HAS1: variants seen among roughly 807,000 people sequenced by gnomAD.
HAS1 encodes HA synthase 1.
Under a neutral mutation model 35.0 loss-of-function variants are expected in HAS1, and 27 were observed. That is an observed-to-expected ratio of 0.77 (90% CI 0.57 to 1.06). HAS1 has a LOEUF of 1.06. Ranked by LOEUF, HAS1 falls within the 50% of genes least tolerant of loss-of-function variation. The pLI, the probability that HAS1 is intolerant of heterozygous loss-of-function variation, is 0.00. For synonymous variants in HAS1, 409 were observed against 371.2 expected (o/e 1.10, Z -1.17); for missense variants, 940 against 814.8 (o/e 1.15, Z -1.87).
chr19:51,716,094 C>T, intron 4 of HAS1, 162 bp downstream of exon 4: 1 of 636,392 alleles, frequency 1.6e-6, no homozygotes, highest in Non-Finnish European at 2.7e-6. Context: ...GCAAATGGCC[C>T]CTCTGCCCAT....
chr19:51,714,291 T>G (rs2083568985), intron 4 of HAS1, 189 bp from the exon 5 acceptor site: 3 of 923,528 alleles, frequency 3.2e-6, no homozygotes, highest in Admixed American at 2.7e-5. Context: ...GGCTCACTCC[T>G]GTAATCCCAG....
At chr19:51,721,635 G>A (rs534230343) in intron 1 of HAS1, among the ~76,000 whole-genome samples, 3 of 152,176 alleles carry the variant, frequency 2.0e-5, no homozygotes, top group East Asian at 1.9e-4. Flanking sequence ...GCTTGGTGGC[G>A]CACGACTGTA....
chr19:51,719,683 G>A lies in HAS1; in HGVS notation c.222C>T (p.Tyr74=). 2 of 1,556,752 alleles carry A rather than the reference G, an allele frequency of 1.3e-6. No homozygotes were observed. The highest frequency in any genetic ancestry group is 1.7e-6 in the Non-Finnish European group (2 of 1,155,796). The change falls in exon 2 of 5, where the codon TAC becomes TAT. Residue 74 remains tyrosine (Y), a synonymous_variant. Transcript: ENST00000540069. ...CCGCCGCCACCCGCCGGTGCTCCAG[G>A]TACGCGAAGAGGCTCTGCGCCACCA... ...AHLVAQSLFA[Y]LEHRRVAAAA...
intron 3 of HAS1, 61 bp downstream of exon 3, chr19:51,716,907 C>G: frequency 8.7e-7 from 1 of 1,145,752 alleles, no homozygotes. Flanking sequence ...TCAGCCCCAT[C>G]CGGCTTCCCT....
chr19:51,714,907 C>A lies in HAS1; in HGVS notation c.1059-805G>T, dbSNP rs923853398. On this transcript the variant is annotated intron_variant, in intron 4 of 4. Transcript: ENST00000540069. The stretch of plus-strand genomic sequence containing the variant: ...TACTAATACTATCACTAACATATTA[C>A]TAATACTACCATGCTTACTATTACT... Among the ~76,000 whole-genome samples, 3 of 152,068 alleles carry A rather than the reference C, an allele frequency of 2.0e-5. No individual in the cohort carries two copies. In the East Asian group the frequency reaches 5.8e-4, roughly 29 times the overall value.
chr19:51,713,414 C>T lies in HAS1; in HGVS notation c.*13G>A, dbSNP rs912341100. 3.4e-6 allele frequency: 5 copies of T among 1,488,834 alleles called. No individual in the cohort carries two copies. The highest frequency in any genetic ancestry group is 3.6e-6 in the Non-Finnish European group (4 of 1,118,626). 92.2% of individuals were successfully genotyped at this position (1,488,834 alleles called of 1,614,324 possible). A position where few individuals can be genotyped will look rare whatever the true frequency, so the allele number is the denominator to read the frequency against. ...CCCTGAAGACCCTTGAGGCGGCATCCGCGTGGCTGGACTCACACCTGGACG... is the reference window on the plus strand; with the variant it reads ...CCCTGAAGACCCTTGAGGCGGCATCTGCGTGGCTGGACTCACACCTGGACG... On this transcript the variant is annotated 3_prime_UTR_variant, in exon 5 of 5. Transcript: ENST00000540069. The surrounding 1 kb of genome is among the most constrained non-coding windows in gnomAD (Gnocchi z 4.5).
At position 51,713,190 on chromosome 19, in the gene HAS1, A is replaced by AT; in HGVS notation, c.*236_*237insA. ...TAAATAAGAACGAGGAGAAAGCAGG[A>AT]CCCTTTCCCTCCACTCCTCAGATCC... On this transcript the variant is annotated 3_prime_UTR_variant, in exon 5 of 5. Transcript: ENST00000540069. This position sits in a 1 kb window ranked among gnomAD's most constrained non-coding sequence, Gnocchi z 4.5. 2.5e-6 allele frequency: 1 copy of AT among 398,692 alleles called. No homozygotes were observed. The highest frequency in any genetic ancestry group is 3.6e-5 in the East Asian group (1 of 27,900). The allele number at this position is 398,692 out of a possible 1,614,324, so 24.7% of individuals were successfully genotyped here. A position where few individuals can be genotyped will look rare whatever the true frequency, so the allele number is the denominator to read the frequency against.
At chr19:51,718,218 C>A (rs55912643) in intron 2 of HAS1, 18,763 of 147,124 alleles carry the variant, frequency 0.13, 1,583 homozygotes, top group East Asian at 0.43. Flanking sequence ...GCCTGGGCAA[C>A]GGAGTGAGAT....
Position 51,713,477 on chromosome 19 carries a change from C to T in HAS1, c.1684G>A (p.Val562Met), listed in dbSNP as rs754136062. 14 of 1,579,296 alleles carry T rather than the reference C, an allele frequency of 8.9e-6. No individual in the cohort carries two copies. The East Asian group carries it at 2.5e-4, about 28-fold the overall frequency. ...VAMLTLYWVGVRRLCRRRTGG... is the reference protein window; with the variant it reads ...VAMLTLYWVGMRRLCRRRTGG... Reference sequence around the variant, plus strand: ...GTCCGCCGCCGGCAAAGCCTCCGCACGCCCACCCAGTACAGCGTCAACATG... The same window carrying T: ...GTCCGCCGCCGGCAAAGCCTCCGCATGCCCACCCAGTACAGCGTCAACATG... The change falls in exon 5 of 5, where the codon GTG becomes ATG. Residue 562 changes from valine to methionine, a missense_variant. Coordinates refer to ENST00000540069, the MANE Select transcript of HAS1 (RefSeq NM_001297436.2). The surrounding 1 kb of genome is among the most constrained non-coding windows in gnomAD (Gnocchi z 4.5).
At position 51,723,799 on chromosome 19, in the gene HAS1, T is replaced by A. The variant is rs2083646828; in HGVS notation, c.9+126A>T. On this transcript the variant is annotated intron_variant, in intron 1 of 4. Transcript: ENST00000540069. ...ACACATATGGTCACTGTCAGGCACA[T>A]GGATACACACATGAAATCATGCACA... 15 of 930,134 alleles carry A rather than the reference T, an allele frequency of 1.6e-5. No individual in the cohort carries two copies. In the South Asian group the frequency reaches 2.3e-4, roughly 14 times the overall value. 57.6% of individuals were successfully genotyped at this position (930,134 alleles called of 1,614,324 possible). A position where few individuals can be genotyped will look rare whatever the true frequency, so the allele number is the denominator to read the frequency against.
Position 51,719,656 on chromosome 19 carries a change from C to G in HAS1, c.249G>C (p.Ala83=), listed in dbSNP as rs1267087626. 17 of 1,540,148 alleles carry G rather than the reference C, an allele frequency of 1.1e-5. No individual in the cohort carries two copies. The highest frequency in any genetic ancestry group is 1.4e-5 in the Non-Finnish European group (16 of 1,146,436). The change falls in exon 2 of 5, where the codon GCG becomes GCC. Residue 83 remains alanine (A), a synonymous_variant. Transcript: ENST00000540069. ...AYLEHRRVAA[A]ARGPLDAATA... is the part of the protein sequence containing the mutation. The stretch of plus-strand genomic sequence containing the variant: ...TGGCTGCATCCAGCGGCCCCCGCGC[C>G]GCCGCCGCCACCCGCCGGTGCTCCA...
chr19:51,719,262 G>T lies in HAS1; in HGVS notation c.643C>A (p.Arg215Ser). The T allele has an allele frequency of 6.2e-7, 1 of 1,608,988 alleles. No individual in the cohort carries two copies. The change falls in exon 2 of 5, where the codon CGC (arginine) becomes AGC (serine). Residue 215 changes from arginine (R) to serine (S), a missense_variant. Physicochemically the swap from Arg to Ser is moderately radical, Grantham distance 110 (BLOSUM62 -1). Transcript: ENST00000540069. ...TTGAAGGCTGTGTACATGACCTCGC[G>T]CTTGCCGCCCCAGCGCTGCGCCACG... is the stretch of plus-strand genomic sequence containing the variant. ...VCVAQRWGGKREVMYTAFKAL... is the reference protein window; with the variant it reads ...VCVAQRWGGKSEVMYTAFKAL...
Position 51,717,060 on chromosome 19 carries a change from A to T in HAS1, c.833T>A (p.Phe278Tyr). 1 of 1,614,098 alleles carries T rather than the reference A, an allele frequency of 6.2e-7. No homozygotes were observed. The highest frequency in any genetic ancestry group is 8.5e-7 in the Non-Finnish European group (1 of 1,179,984). Residue 278 changes from phenylalanine (F) to tyrosine (Y), a missense_variant, in exon 3 of 5, where the codon TTC (phenylalanine) becomes TAC (tyrosine). Physicochemically the swap from Phe to Tyr is conservative, Grantham distance 22. Coordinates refer to ENST00000540069, the MANE Select transcript of HAS1 (RefSeq NM_001297436.2). The part of the protein sequence containing the change: ...ILNPLDSWVS[F>Y]LSSLRYWVAF... ...TACCCAGTATCGCAGGCTGCTTAGG[A>T]AGCTGACCCAGGAGTCCAGAGGGTT...
chr19:51,719,875 A>G lies in HAS1; in HGVS notation c.30T>C (p.Pro10=). 1 of 1,538,732 alleles carries G rather than the reference A, an allele frequency of 6.5e-7. No homozygotes were observed. The highest frequency in any genetic ancestry group is 1.4e-5 in the African/African-American group (1 of 73,056). The part of the protein sequence containing the change: MRQDAPKPT[P]AACRCSGLAR... ...CCAGGCCGGAGCAGCGGCAGGCTGCAGGAGTGGGCTTGGGCGCGTCCTGCT... is the reference window on the plus strand; with the variant it reads ...CCAGGCCGGAGCAGCGGCAGGCTGCGGGAGTGGGCTTGGGCGCGTCCTGCT... The change falls in exon 2 of 5, where the codon CCT becomes CCC. Residue 10 remains proline (P), a synonymous_variant. Coordinates refer to ENST00000540069, the MANE Select transcript of HAS1 (RefSeq NM_001297436.2).
In HAS1 at chr19:51,716,841, A is replaced by G. The variant is rs576287098; in HGVS notation, c.925+127T>C. 119 of 733,154 alleles carry G rather than the reference A, an allele frequency of 1.6e-4. No homozygotes were observed. In the South Asian group the frequency reaches 1.6e-3, roughly 10 times the overall value. 45.4% of individuals were successfully genotyped at this position (733,154 alleles called of 1,614,324 possible). ...ATCCTCACCGCCAGCTTCCAGTTTT[A>G]TCCCATCCCCAATTCCTGCCCTGCT... On this transcript the variant is annotated intron_variant, in intron 3 of 4. Transcript: ENST00000540069.
At chr19:51,714,335 A>T (rs113775685) in intron 4 of HAS1, among the ~76,000 whole-genome samples, 6,569 of 151,206 alleles carry the variant, frequency 0.043, 474 homozygotes, top group African/African-American at 0.15. Flanking sequence ...GGAGTTCAAG[A>T]CCAGCCTGGG....
rs1414795486 is a variant in HAS1, at chr19:51,719,802, T to C, written c.103A>G (p.Met35Val). 1.3e-6 allele frequency: 2 copies of C among 1,560,060 alleles called. No individual in the cohort carries two copies. Among genetic ancestry groups the C allele is most frequent in the African/African-American group, 1.4e-5 (1 of 73,906 alleles). ...ACCCCGGCGGCGTAGGCCCAGGTCATGAGGCCCAGGATGAGCAGGGCGAAG... is the reference window on the plus strand; with the variant it reads ...ACCCCGGCGGCGTAGGCCCAGGTCACGAGGCCCAGGATGAGCAGGGCGAAG... ...IAFALLILGL[M>V]TWAYAAGVPL... Residue 35 changes from methionine (M) to valine (V), a missense_variant, in exon 2 of 5, where the codon ATG (methionine) becomes GTG (valine). Transcript: ENST00000540069.
At position 51,713,552 on chromosome 19, in the gene HAS1, C is replaced by T; in HGVS notation, c.1609G>A (p.Ala537Thr). Residue 537 changes from alanine (A) to threonine (T), a missense_variant, in exon 5 of 5, where the codon GCC (alanine) becomes ACC (threonine). Physicochemically the swap from Ala to Thr is moderately conservative, Grantham distance 58 (BLOSUM62 0). Transcript: ENST00000540069. The surrounding 1 kb of genome is among the most constrained non-coding windows in gnomAD (Gnocchi z 4.5). ...DWSGPSRAAE[A>T]YHLAAGAGAY... ...CCGGCCCCCGCGGCCAAGTGGTAGG[C>T]CTCGGCTGCGCGGGAAGGGCCGCTC... 2.5e-6 allele frequency: 4 copies of T among 1,583,096 alleles called. No individual in the cohort carries two copies. The highest frequency in any genetic ancestry group is 1.1e-5 in the South Asian group (1 of 88,098).
intron 1 of HAS1, 122 bp downstream of exon 1, chr19:51,723,803 T>A: frequency 3.2e-6 from 3 of 949,720 alleles, no homozygotes; most frequent in Non-Finnish European, 3.1e-6. Context: ...GGCACATGGA[T>A]ACACACATGA....
Sources: allele counts gnomAD v4.1 joint callset (sites outside exome capture counted in the v4.1 genomes callset), GRCh38; gene constraint gnomAD v4.1.1; non-coding constraint Gnocchi (gnomAD v3.1); transcripts MANE v1.5; gene names NCBI Gene and HGNC (gene_info 2026-07-23, HGNC 2026-07-21).